Variants in DISC1 observed in about 807,000 individuals in gnomAD.
The protein encoded by DISC1 is disrupted in schizophrenia 1 protein.
A neutral mutation model predicts 84.5 loss-of-function variants in DISC1; 57 were observed. The observed-to-expected ratio is 0.67, with a 90% CI of 0.55 to 0.84. The LOEUF is 0.84. DISC1 is among the 40% of genes least tolerant of loss of function. DISC1 has a pLI of 0.00. For missense variants in DISC1, 1,000 were observed against 1,057.8 expected (o/e 0.95, Z 0.76); for synonymous variants, 411 against 415.2 (o/e 0.99, Z 0.12).
intron 9 of DISC1, among the ~76,000 whole-genome samples, chr1:231,902,814 C>T (rs2088295202): frequency 6.6e-6 from 1 of 152,144 alleles, no homozygotes; most frequent in African/African-American, 2.4e-5. Flanking sequence ...ATCTGAAATG[C>T]TCCAAAGTCT....
chr1:232,011,646 A>T (rs821629), intron 11 of DISC1, among the ~76,000 whole-genome samples: 41,948 of 152,052 alleles, frequency 0.28, 6,050 homozygotes, highest in African/African-American at 0.3. Context: ...GGTGCGTGGA[A>T]GTTGGGGGCG....
chr1:231,824,913 C>T (rs12142317), intron 9 of DISC1, among the ~76,000 whole-genome samples: 6 of 116,668 alleles, frequency 5.1e-5, no homozygotes, highest in East Asian at 4.6e-4. Context: ...CATCCATCCA[C>T]CCATCCATCC....
intron 9 of DISC1, among the ~76,000 whole-genome samples, chr1:231,849,774 C>G (rs1049965264): frequency 6.6e-6 from 1 of 152,174 alleles, no homozygotes; most frequent in Non-Finnish European, 1.5e-5. Flanking sequence ...GTCTTCTCAC[C>G]ACCATAACAC....
At chr1:231,869,249 C>A (rs1165873956) in intron 9 of DISC1, among the ~76,000 whole-genome samples, 1 of 152,068 alleles carries the variant, frequency 6.6e-6, no homozygotes, top group Non-Finnish European at 1.5e-5. Flanking sequence ...TATACAACCA[C>A]CGGGGAGTCT....
rs2064008791 is a variant in DISC1, at chr1:231,684,383, A to G, written c.68-9443A>G. On this transcript the variant is annotated intron_variant, in intron 1 of 12. Coordinates refer to ENST00000439617, the MANE Select transcript of DISC1 (RefSeq NM_018662.3). ...TTATGTGTTTAATATATAATTACAC[A>G]TAGGTTTTACATGTGCTGTTTGAAA... is the stretch of plus-strand genomic sequence containing the variant. Among the ~76,000 whole-genome samples, 3 of 152,284 alleles carry G rather than the reference A, an allele frequency of 2.0e-5. No individual in the cohort carries two copies. The South Asian group carries it at 6.2e-4, about 32-fold the overall frequency.
At chr1:231,902,381 ATCTGATG>A (rs2088250685) in intron 9 of DISC1, among the ~76,000 whole-genome samples, 1 of 152,176 alleles carries the variant, frequency 6.6e-6, no homozygotes, top group African/African-American at 2.4e-5. Flanking sequence ...TGGGCAGATC[ATCTGATG>A]TCAGGAGTTC....
chr1:231,928,389 G>T (rs2090468028), intron 9 of DISC1, among the ~76,000 whole-genome samples: 1 of 152,240 alleles, frequency 6.6e-6, no homozygotes, highest in Admixed American at 6.5e-5. Flanking sequence ...GGCATCCTCA[G>T]TATGGAAGGC....
At chr1:231,738,450 TG>T (rs1323425708) in intron 3 of DISC1, among the ~76,000 whole-genome samples, 2 of 152,290 alleles carry the variant, frequency 1.3e-5, no homozygotes, top group East Asian at 3.9e-4. Flanking sequence ...CCTTACATTT[TG>T]TTGGATGACC....
chr1:231,747,078 C>T (rs1330823093), intron 3 of DISC1, among the ~76,000 whole-genome samples: 1 of 152,124 alleles, frequency 6.6e-6, no homozygotes, highest in African/African-American at 2.4e-5. Context: ...TACAGCCATA[C>T]ACCACCATGC....
At chr1:231,879,359 C>G (rs1234649404) in intron 9 of DISC1, among the ~76,000 whole-genome samples, 1 of 151,894 alleles carries the variant, frequency 6.6e-6, no homozygotes, top group Non-Finnish European at 1.5e-5. Context: ...TACATATGTT[C>G]AGCACTAATG....
intron 1 of DISC1, among the ~76,000 whole-genome samples, chr1:231,681,852 T>C (rs11122320): frequency 0.91 from 139,121 of 152,148 alleles, 63,663 homozygotes; most frequent in East Asian, 0.99. Flanking sequence ...CCCTCTGCCA[T>C]CATACCCTGC....
intron 9 of DISC1, among the ~76,000 whole-genome samples, chr1:231,899,078 G>A (rs2087946012): frequency 6.6e-6 from 1 of 151,836 alleles, no homozygotes; most frequent in Non-Finnish European, 1.5e-5. Flanking sequence ...TCAGAACACT[G>A]ACTACTCAGT....
At chr1:232,029,289 G>A (rs1669776451) in intron 12 of DISC1, among the ~76,000 whole-genome samples, 1 of 152,134 alleles carries the variant, frequency 6.6e-6, no homozygotes, top group South Asian at 2.1e-4. Context: ...CACTGATTGA[G>A]AATAAATACA....
chr1:232,009,843 A>G lies in DISC1; in HGVS notation c.2307+794A>G, dbSNP rs1667866647. On this transcript the variant is annotated intron_variant, in intron 11 of 12. Transcript: ENST00000439617. This position sits in a 1 kb window ranked among gnomAD's most constrained non-coding sequence, Gnocchi z 4.6. Reference sequence around the variant, plus strand: ...ACAGGTGTTGTGAGTGTGGAAAGGAAATAGCATGGAGAGGCTGGAGGAACT... The same window carrying G: ...ACAGGTGTTGTGAGTGTGGAAAGGAGATAGCATGGAGAGGCTGGAGGAACT... 6.6e-6 allele frequency among the ~76,000 whole-genome samples: 1 copy of G among 152,134 alleles called. No homozygotes were observed. Among genetic ancestry groups the G allele is most frequent in the Non-Finnish European group, 1.5e-5 (1 of 68,022 alleles).
Position 231,849,516 on chromosome 1 carries a change from C to CTGA in DISC1, c.1981+31011_1981+31013dup, listed in dbSNP as rs1202165187. On this transcript the variant is annotated intron_variant, in intron 9 of 12. Transcript: ENST00000439617. Reference sequence around the variant, plus strand: ...ATAACCAGGAGCCAATAGCAGGGCTCTGATGATGATGATGGTGGTGTGTGT... The same window carrying CTGA: ...ATAACCAGGAGCCAATAGCAGGGCTCTGATGATGATGATGATGGTGGTGTGTGT... Among the ~76,000 whole-genome samples the CTGA allele has an allele frequency of 4.6e-5, 7 of 152,102 alleles. 1 individual carries two copies. The highest frequency in any genetic ancestry group is 1.7e-4 in the African/African-American group (7 of 41,500).
chr1:231,986,413 G>A (rs928906364), intron 10 of DISC1, among the ~76,000 whole-genome samples: 2 of 152,162 alleles, frequency 1.3e-5, no homozygotes, highest in Non-Finnish European at 2.9e-5. Context: ...CGTTCCTCAT[G>A]GTCCCTTTTA....
intron 1 of DISC1, among the ~76,000 whole-genome samples, chr1:231,654,794 T>G (rs1198530678): frequency 6.6e-6 from 1 of 152,220 alleles, no homozygotes; most frequent in Admixed American, 6.5e-5. Flanking sequence ...TCCCTAAGTT[T>G]TTTTCCTAGA....
At chr1:231,736,582 A>G (rs778146571) in intron 3 of DISC1, among the ~76,000 whole-genome samples, 3 of 152,234 alleles carry the variant, frequency 2.0e-5, no homozygotes, top group South Asian at 2.1e-4. Flanking sequence ...AATAAACTCA[A>G]CAAACTCCAG....
chr1:232,035,332 C>G (rs1309000083), intron 12 of DISC1, among the ~76,000 whole-genome samples: 1 of 152,134 alleles, frequency 6.6e-6, no homozygotes, highest in Non-Finnish European at 1.5e-5. Context: ...ATAATCCCAG[C>G]TATTTGGGAG....
Sources: gnomAD v4.1 joint callset for allele counts (sites outside exome capture counted in the v4.1 genomes callset) on GRCh38, gnomAD v4.1.1 for gene constraint, Gnocchi (gnomAD v3.1) non-coding constraint, MANE v1.5 for transcripts, NCBI Gene and HGNC (gene_info 2026-07-23, HGNC 2026-07-21) for gene names.